Variants in PAPPA2 observed in about 807,000 individuals in gnomAD.
The protein encoded by PAPPA2 is pappalysin-2.
A neutral mutation model predicts 176.4 loss-of-function variants in PAPPA2; 86 were observed. The ratio of observed to expected loss-of-function variants is 0.49; its 90% CI spans 0.41 to 0.58. The LOEUF (loss-of-function observed/expected upper bound fraction) is 0.58, where lower values mean the gene tolerates loss of function less well. Ranked by LOEUF, PAPPA2 falls within the 20% of genes least tolerant of loss-of-function variation. The pLI is 0.00. For synonymous variants in PAPPA2, 809 were observed against 852.2 expected, an observed-to-expected ratio of 0.95 and a Z score of 0.88; for missense variants, 2,073 against 2,256.9, an observed-to-expected ratio of 0.92 and a Z score of 1.65.
intron 1 of PAPPA2, among the ~76,000 whole-genome samples, chr1:176,513,175 TC>T: frequency 6.6e-6 from 1 of 151,888 alleles, no homozygotes; most frequent in Non-Finnish European, 1.5e-5. Context: ...ATCATCATCA[TC>T]ATCATCATCA....
intron 12 of PAPPA2, among the ~76,000 whole-genome samples, chr1:176,729,949 A>T (rs374653772): frequency 6.6e-6 from 1 of 151,960 alleles, no homozygotes; most frequent in African/African-American, 2.4e-5. Flanking sequence ...AATTATGTTA[A>T]ATAGCCTTGG....
intron 9 of PAPPA2, among the ~76,000 whole-genome samples, chr1:176,706,130 C>T (rs1236018962): frequency 6.6e-6 from 1 of 152,130 alleles, no homozygotes; most frequent in Non-Finnish European, 1.5e-5. Context: ...TCAGGAATTC[C>T]CACAACCCAC....
At chr1:176,634,962 G>A (rs7414215) in intron 3 of PAPPA2, among the ~76,000 whole-genome samples, 2,392 of 104,454 alleles carry the variant, frequency 0.023, 58 homozygotes, top group African/African-American at 0.071. Context: ...TAGATAGATA[G>A]ATAAATAGAT....
chr1:176,640,049 C>T (rs571542930), intron 3 of PAPPA2, among the ~76,000 whole-genome samples: 14 of 151,830 alleles, frequency 9.2e-5, no homozygotes, highest in Non-Finnish European at 1.8e-4. Context: ...CCTATATTAT[C>T]TCAGGTTATT....
intron 20 of PAPPA2, among the ~76,000 whole-genome samples, chr1:176,797,927 C>A (rs1665518027): frequency 6.6e-6 from 1 of 152,118 alleles, no homozygotes; most frequent in Non-Finnish European, 1.5e-5. Flanking sequence ...GCTAGAGACA[C>A]GATATCATAA....
intron 1 of PAPPA2, among the ~76,000 whole-genome samples, chr1:176,485,184 T>C (rs1416364112): frequency 6.6e-6 from 1 of 152,228 alleles, no homozygotes; most frequent in Non-Finnish European, 1.5e-5. Context: ...TAAAGTGTCC[T>C]TGTAAAAATA....
At chr1:176,497,305 G>A (rs892116773) in intron 1 of PAPPA2, among the ~76,000 whole-genome samples, 1 of 152,148 alleles carries the variant, frequency 6.6e-6, no homozygotes, top group Non-Finnish European at 1.5e-5. Flanking sequence ...TATCTTCACA[G>A]TGTTCCTTAG....
At chr1:176,626,100 A>G (rs1032110580) in intron 3 of PAPPA2, among the ~76,000 whole-genome samples, 1 of 152,230 alleles carries the variant, frequency 6.6e-6, no homozygotes, top group African/African-American at 2.4e-5. Flanking sequence ...ACATAATTTA[A>G]GTAATTACAA....
At chr1:176,567,760 C>T (rs1652072727) in intron 2 of PAPPA2, among the ~76,000 whole-genome samples, 1 of 152,132 alleles carries the variant, frequency 6.6e-6, no homozygotes, top group Non-Finnish European at 1.5e-5. Context: ...AGTAACTGGT[C>T]CTGCCTGGAT....
At chr1:176,612,052 G>T (rs1462135078) in intron 3 of PAPPA2, among the ~76,000 whole-genome samples, 20 of 152,114 alleles carry the variant, frequency 1.3e-4, no homozygotes, top group Admixed American at 1.2e-3. Context: ...TATAATACAA[G>T]AATTTAATAT....
chr1:176,674,848 C>T (rs1453021182), intron 4 of PAPPA2, among the ~76,000 whole-genome samples: 5 of 151,268 alleles, frequency 3.3e-5, no homozygotes, highest in African/African-American at 9.7e-5. Context: ...TAAGGGATCT[C>T]CATACTGTTT....
chr1:176,468,233 C>A (rs908973175), intron 1 of PAPPA2, among the ~76,000 whole-genome samples: 2 of 152,096 alleles, frequency 1.3e-5, no homozygotes, highest in African/African-American at 4.8e-5. Context: ...GACATTCCTC[C>A]CTCAAAATCC....
chr1:176,592,034 A>G (rs577759878), intron 2 of PAPPA2, among the ~76,000 whole-genome samples: 5 of 152,328 alleles, frequency 3.3e-5, no homozygotes, highest in Non-Finnish European at 5.9e-5. Flanking sequence ...TGGCTTCAAA[A>G]TAGTCTGTAT....
At chr1:176,593,958 G>A (rs147265570) in intron 2 of PAPPA2, among the ~76,000 whole-genome samples, 4 of 152,324 alleles carry the variant, frequency 2.6e-5, no homozygotes, top group African/African-American at 7.2e-5. Context: ...AGAGGGAATA[G>A]TGTGCTAGGA....
chr1:176,646,344 A>C (rs1657397466), intron 3 of PAPPA2, among the ~76,000 whole-genome samples: 4 of 151,338 alleles, frequency 2.6e-5, no homozygotes, highest in Non-Finnish European at 4.4e-5. Context: ...CATACAATGC[A>C]TAATAATCAC....
chr1:176,517,278 G>A (rs1009505185), intron 1 of PAPPA2, among the ~76,000 whole-genome samples: 2 of 152,156 alleles, frequency 1.3e-5, no homozygotes, highest in African/African-American at 4.8e-5. Flanking sequence ...ATGGCAGGTG[G>A]AAGGAGGAAA....
At chr1:176,527,672 C>T (rs1252144521) in intron 1 of PAPPA2, among the ~76,000 whole-genome samples, 1 of 152,174 alleles carries the variant, frequency 6.6e-6, no homozygotes, top group Non-Finnish European at 1.5e-5. Context: ...ATGGCTAAGC[C>T]TATATATTCA....
intron 1 of PAPPA2, among the ~76,000 whole-genome samples, chr1:176,515,054 A>T (rs1389985294): frequency 6.6e-6 from 1 of 152,220 alleles, no homozygotes; most frequent in Non-Finnish European, 1.5e-5. Context: ...AATGGGCAAG[A>T]TATTCACAAT....
At chr1:176,507,907 T>C (rs774917911) in intron 1 of PAPPA2, among the ~76,000 whole-genome samples, 26 of 151,812 alleles carry the variant, frequency 1.7e-4, no homozygotes, top group Non-Finnish European at 3.2e-4. Flanking sequence ...AAAGTAAAAG[T>C]TGAAATTTAA....
Sources: gnomAD v4.1 joint callset for allele counts (sites outside exome capture counted in the v4.1 genomes callset) on GRCh38, gnomAD v4.1.1 for gene constraint, MANE v1.5 for transcripts, NCBI Gene and HGNC (gene_info 2026-07-23, HGNC 2026-07-21) for gene names.